The following NCAM1 variants were observed in gnomAD, a reference collection of about 807,000 sequenced individuals.
NCAM1 encodes the protein antigen recognized by monoclonal antibody 5.1H11.
Under a neutral mutation model 109.8 loss-of-function variants are expected in NCAM1, and 14 were observed. The ratio of observed to expected loss-of-function variants is 0.13; its 90% CI spans 0.08 to 0.20. NCAM1 has a LOEUF of 0.20. Ranked by LOEUF, NCAM1 falls within the 10% of genes least tolerant of loss-of-function variation. NCAM1 has a pLI of 1.00. For missense variants in NCAM1, 774 were observed against 1,109.9 expected (o/e 0.70, Z 4.30); for synonymous variants, 418 against 442.9 (o/e 0.94, Z 0.70).
At chr11:112,966,522 C>T (rs1950732774) in intron 1 of NCAM1, among the ~76,000 whole-genome samples, 1 of 152,180 alleles carries the variant, frequency 6.6e-6, no homozygotes, top group Non-Finnish European at 1.5e-5. Context: ...TTACTACTTA[C>T]TGTAGGGTAA....
intron 9 of NCAM1, among the ~76,000 whole-genome samples, chr11:113,229,939 G>T (rs1284801353): frequency 1.3e-5 from 2 of 152,066 alleles, no homozygotes; most frequent in Non-Finnish European, 2.9e-5. Flanking sequence ...GTTGTGGGGT[G>T]GGGGGAGCGG....
chr11:113,035,752 CTA>C (rs1256366287), intron 1 of NCAM1, among the ~76,000 whole-genome samples: 6 of 151,870 alleles, frequency 4.0e-5, no homozygotes, highest in Middle Eastern at 3.4e-3. Context: ...CAAATAATTA[CTA>C]TGTCACTGTT....
At chr11:113,195,455 CCACACA>C (rs10642528) in intron 1 of NCAM1, among the ~76,000 whole-genome samples, 17 of 141,572 alleles carry the variant, frequency 1.2e-4, no homozygotes, top group Middle Eastern at 3.6e-3. Context: ...TAAATACACA[CCACACA>C]CACACACACA....
At chr11:113,188,447 T>C (rs1943578427) in intron 1 of NCAM1, among the ~76,000 whole-genome samples, 1 of 152,208 alleles carries the variant, frequency 6.6e-6, no homozygotes, top group African/African-American at 2.4e-5. Flanking sequence ...GCATGGAGTT[T>C]GTTTGGGGAA....
chr11:113,125,547 T>C (rs1941140001), intron 1 of NCAM1, among the ~76,000 whole-genome samples: 1 of 152,210 alleles, frequency 6.6e-6, no homozygotes, highest in Non-Finnish European at 1.5e-5. Flanking sequence ...CTTTACACGC[T>C]ATTGGCTTTC....
chr11:113,164,508 T>C lies in NCAM1; in HGVS notation c.53-37871T>C, dbSNP rs1942715562. Among the ~76,000 whole-genome samples, 3 of 152,158 alleles carry C rather than the reference T, an allele frequency of 2.0e-5. No individual in the cohort carries two copies. The South Asian group carries it at 6.2e-4, about 32-fold the overall frequency. On this transcript the variant is annotated intron_variant, in intron 1 of 19. Coordinates refer to ENST00000316851, the MANE Select transcript of NCAM1 (RefSeq NM_181351.5). The stretch of plus-strand genomic sequence containing the variant: ...CCTTTGCTTCTGACCCTCCAGCCAT[T>C]AATCAGGGTTCCCACAACCCCCTCC...
chr11:113,111,896 TATTC>T (rs377371481), intron 1 of NCAM1, among the ~76,000 whole-genome samples: 2 of 152,238 alleles, frequency 1.3e-5, no homozygotes, highest in Non-Finnish European at 2.9e-5. Context: ...TGAATAAACG[TATTC>T]ATTATTCAAA....
At chr11:113,110,459 A>C (rs550544914) in intron 1 of NCAM1, among the ~76,000 whole-genome samples, 1 of 152,288 alleles carries the variant, frequency 6.6e-6, no homozygotes, top group African/African-American at 2.4e-5. Context: ...GATTATCCTC[A>C]TCTCCCCTAA....
At chr11:113,199,341 A>AG (rs1943960395) in intron 1 of NCAM1, among the ~76,000 whole-genome samples, 1 of 152,178 alleles carries the variant, frequency 6.6e-6, no homozygotes. Context: ...CAAGCAATGG[A>AG]GGGAAGGAGT....
chr11:113,038,137 G>A (rs1591271120), intron 1 of NCAM1, among the ~76,000 whole-genome samples: 1 of 152,158 alleles, frequency 6.6e-6, no homozygotes, highest in East Asian at 1.9e-4. Context: ...CAAAAATGAA[G>A]TCCAGGTTTC....
chr11:113,156,727 G>T (rs1942419884), intron 1 of NCAM1, among the ~76,000 whole-genome samples: 1 of 152,166 alleles, frequency 6.6e-6, no homozygotes, highest in African/African-American at 2.4e-5. Context: ...AGAGCTACTT[G>T]TTGGATTAAG....
intron 1 of NCAM1, among the ~76,000 whole-genome samples, chr11:113,105,967 T>C (rs782653833): frequency 4.6e-5 from 7 of 152,214 alleles, no homozygotes; most frequent in Non-Finnish European, 1.5e-5. Flanking sequence ...TATGTTAATA[T>C]CGTTTTGTCA....
chr11:112,983,310 T>C (rs570819489), intron 1 of NCAM1, among the ~76,000 whole-genome samples: 1 of 151,980 alleles, frequency 6.6e-6, no homozygotes, highest in African/African-American at 2.4e-5. Context: ...ATTTCAAATC[T>C]TTAGGCATTA....
intron 3 of NCAM1, 79 bp from the exon 4 acceptor site, chr11:113,205,444 C>A: frequency 6.6e-7 from 1 of 1,520,328 alleles, no homozygotes; most frequent in Admixed American, 2.1e-5. Flanking sequence ...GACTCAAGTC[C>A]AGGTACCATG....
intron 1 of NCAM1, among the ~76,000 whole-genome samples, chr11:113,103,690 G>A (rs1555091931): frequency 1.3e-5 from 2 of 152,070 alleles, no homozygotes; most frequent in African/African-American, 2.4e-5. Context: ...TAGACAAGGG[G>A]TCCCCAAAGT....
chr11:113,071,654 T>C (rs1450450038), intron 1 of NCAM1, among the ~76,000 whole-genome samples: 2 of 152,060 alleles, frequency 1.3e-5, no homozygotes, highest in African/African-American at 4.8e-5. Context: ...CTCAATCTCC[T>C]GACCTCGTGA....
In NCAM1 at chr11:113,262,655, C is replaced by G. The variant is rs141443132; in HGVS notation, c.2131+2332C>G. On this transcript the variant is annotated intron_variant, in intron 17 of 19. Transcript: ENST00000316851. ...TTGATTCTGTGTTTTCTATAGTTGA[C>G]CTAATTTTTTTTCTTTTTATCTATT... Among the ~76,000 whole-genome samples the G allele has an allele frequency of 6.6e-5, 10 of 152,292 alleles. No homozygotes were observed. The East Asian group carries it at 1.9e-3, about 29-fold the overall frequency.
intron 1 of NCAM1, among the ~76,000 whole-genome samples, chr11:113,120,100 G>T (rs759730528): frequency 1.3e-5 from 2 of 152,184 alleles, no homozygotes; most frequent in African/African-American, 2.4e-5. Context: ...AGAAGAATTA[G>T]CCAGCCTTGA....
intron 1 of NCAM1, among the ~76,000 whole-genome samples, chr11:113,141,571 C>A (rs550024790): frequency 3.2e-4 from 49 of 152,322 alleles, no homozygotes; most frequent in African/African-American, 1.1e-3. Context: ...ATTGCTTGAA[C>A]CCAGGCGGTG....
Sources: gnomAD v4.1 joint callset for allele counts (sites outside exome capture counted in the v4.1 genomes callset) on GRCh38, gnomAD v4.1.1 for gene constraint, MANE v1.5 for transcripts, NCBI Gene and HGNC (gene_info 2026-07-23, HGNC 2026-07-21) for gene names.